Variants in ATP13A4 observed in about 807,000 individuals in gnomAD.
The protein encoded by ATP13A4 is ATPase 13A4, also known as probable cation-transporting ATPase 13A4.
In ATP13A4, 114 loss-of-function variants were observed where a neutral mutation model predicts 142.5. The observed-to-expected ratio is 0.80, with a 90% CI of 0.69 to 0.93. The LOEUF is 0.93. Among genes scored for constraint, ATP13A4 ranks in the 40% least tolerant of loss-of-function variants. The pLI, the probability that ATP13A4 is intolerant of heterozygous loss-of-function variation, is 0.00. For synonymous variants in ATP13A4, 488 were observed against 514.8 expected, an observed-to-expected ratio of 0.95 and a Z score of 0.70; for missense variants, 1,392 against 1,454.0, an observed-to-expected ratio of 0.96 and a Z score of 0.69.
chr3:193,418,440 A>G (rs1715228517), intron 25 of ATP13A4, among the ~76,000 whole-genome samples: 1 of 149,918 alleles, frequency 6.7e-6, no homozygotes, highest in South Asian at 2.1e-4. Context: ...AAAATAACTA[A>G]ACGAGAGTGT....
intron 11 of ATP13A4, among the ~76,000 whole-genome samples, 178 bp downstream of exon 11, chr3:193,465,847 A>T (rs1346255799): frequency 2.0e-5 from 3 of 152,226 alleles, no homozygotes; most frequent in Non-Finnish European, 4.4e-5. Flanking sequence ...CCTGTTTGTT[A>T]TTATGGAACT....
At chr3:193,455,192 T>A (rs1717524752) in intron 16 of ATP13A4, among the ~76,000 whole-genome samples, 1 of 151,262 alleles carries the variant, frequency 6.6e-6, no homozygotes, top group African/African-American at 2.4e-5. Flanking sequence ...CAAAAAAAAA[T>A]TAGCCGGGCG....
At chr3:193,475,185 A>C (rs969300129) in intron 8 of ATP13A4, among the ~76,000 whole-genome samples, 2 of 152,110 alleles carry the variant, frequency 1.3e-5, no homozygotes, top group Admixed American at 1.3e-4. Flanking sequence ...AAAATATGAA[A>C]AGACATATGT....
intron 1 of ATP13A4, among the ~76,000 whole-genome samples, chr3:193,523,943 A>G (rs996378379): frequency 1.3e-5 from 2 of 152,058 alleles, no homozygotes; most frequent in Middle Eastern, 6.3e-3. Flanking sequence ...TAGCTTCCTC[A>G]GTTTCTCTTT....
At chr3:193,537,867 T>C (rs933906692) in intron 1 of ATP13A4, among the ~76,000 whole-genome samples, 2 of 152,174 alleles carry the variant, frequency 1.3e-5, no homozygotes, top group African/African-American at 4.8e-5. Flanking sequence ...ACGTCCTATA[T>C]AATTACATTC....
At chr3:193,591,201 A>T (rs1183427155) in intron 1 of ATP13A4, among the ~76,000 whole-genome samples, 2 of 152,068 alleles carry the variant, frequency 1.3e-5, no homozygotes, top group Admixed American at 1.3e-4. Flanking sequence ...TAGCTGGCTA[A>T]TTTTTTTATT....
At chr3:193,478,987 A>G (rs1211160700) in intron 8 of ATP13A4, among the ~76,000 whole-genome samples, 1 of 152,190 alleles carries the variant, frequency 6.6e-6, no homozygotes, top group African/African-American at 2.4e-5. Context: ...TAAATGTGAT[A>G]CACCACATAA....
At position 193,412,326 on chromosome 3, in the gene ATP13A4, A is replaced by C. The variant is rs1485047620; in HGVS notation, c.3060T>G (p.Ser1020=). The C allele has an allele frequency of 6.2e-7, 1 of 1,614,126 alleles. No individual in the cohort carries two copies. Among genetic ancestry groups the C allele is most frequent in the Admixed American group, 1.7e-5 (1 of 60,014 alleles). ...QNESISELTM[S]PTAPEKMESN... is the part of the protein sequence containing the mutation. ...TTTCCATTTTTTCTGGAGCAGTTGGAGACATGGTTAACTCTGAGATGCTTT... is the reference window on the plus strand; with the variant it reads ...TTTCCATTTTTTCTGGAGCAGTTGGCGACATGGTTAACTCTGAGATGCTTT... The change falls in exon 27 of 30, where the codon TCT becomes TCG. Residue 1020 remains serine (S), a synonymous_variant. Transcript: ENST00000342695.
chr3:193,517,628 C>G (rs988572022), intron 1 of ATP13A4, among the ~76,000 whole-genome samples: 1 of 152,100 alleles, frequency 6.6e-6, no homozygotes, highest in African/African-American at 2.4e-5. Context: ...CTACAGGCGC[C>G]CGCCACCACG....
chr3:193,428,266 G>A (rs543319920), intron 25 of ATP13A4, among the ~76,000 whole-genome samples: 2 of 151,010 alleles, frequency 1.3e-5, no homozygotes, highest in South Asian at 4.1e-4. Context: ...AGTTACAATG[G>A]TGATAATTAG....
In ATP13A4 at chr3:193,449,734, A is replaced by G. The variant is rs143649059; in HGVS notation, c.2028-1404T>C. ...AGACATTTGTCCTTACTTCATAGAA[A>G]AGGTTGTAATTTCCCCATGATCTGC... On this transcript the variant is annotated intron_variant, in intron 17 of 29. Coordinates refer to ENST00000342695, the MANE Select transcript of ATP13A4 (RefSeq NM_032279.4). Among the ~76,000 whole-genome samples the G allele has an allele frequency of 1.4e-3, 219 of 152,254 alleles. 4 individuals are homozygous for G. In the East Asian group the frequency reaches 0.038, roughly 27 times the overall value.
chr3:193,417,410 T>C (rs768362195), intron 25 of ATP13A4, among the ~76,000 whole-genome samples: 17 of 152,220 alleles, frequency 1.1e-4, no homozygotes, highest in Non-Finnish European at 2.4e-4. Flanking sequence ...AAAGATGTAA[T>C]TTGTAACATC....
At chr3:193,531,296 G>GAGGAAGGAAGGAAGGA (rs772860170) in intron 1 of ATP13A4, among the ~76,000 whole-genome samples, 12 of 73,920 alleles carry the variant, frequency 1.6e-4, no homozygotes, top group Non-Finnish European at 1.8e-4. Flanking sequence ...GGGAGGGAGG[G>GAGGAAGGAAGGAAGGA]AGGAAGGAAG....
chr3:193,454,357 A>C, intron 16 of ATP13A4, 145 bp from the exon 17 acceptor site: 1 of 698,150 alleles, frequency 1.4e-6, no homozygotes, highest in Non-Finnish European at 2.6e-6. Context: ...AATTCTAAAC[A>C]TAACTACATT....
intron 4 of ATP13A4, 29 bp from the exon 5 acceptor site, chr3:193,493,026 T>C: frequency 1.2e-6 from 2 of 1,602,404 alleles, no homozygotes; most frequent in Non-Finnish European, 1.7e-6. Context: ...AAAGAACATA[T>C]TTAGCAATAA....
At chr3:193,501,031 A>G (rs1191045067) in intron 3 of ATP13A4, among the ~76,000 whole-genome samples, 1 of 152,230 alleles carries the variant, frequency 6.6e-6, no homozygotes, top group African/African-American at 2.4e-5. Context: ...GTAAATGAAG[A>G]TAGTACACCT....
chr3:193,412,793 A>AGGTG (rs10687464), intron 26 of ATP13A4, among the ~76,000 whole-genome samples: 48,678 of 151,806 alleles, frequency 0.32, 8,127 homozygotes, highest in East Asian at 0.5. Flanking sequence ...TAGGAGGCCG[A>AGGTG]GGTGGTTCAC....
At chr3:193,499,616 T>C (rs1298368467) in intron 3 of ATP13A4, among the ~76,000 whole-genome samples, 1 of 152,220 alleles carries the variant, frequency 6.6e-6, no homozygotes, top group East Asian at 1.9e-4. Flanking sequence ...AAGGATATCA[T>C]ATTCAAGCTA....
At chr3:193,543,334 C>T (rs996405526) in intron 1 of ATP13A4, among the ~76,000 whole-genome samples, 7 of 152,086 alleles carry the variant, frequency 4.6e-5, no homozygotes, top group Admixed American at 2.0e-4. Context: ...AAACCATCAT[C>T]GGAGTGAACA....
Sources: allele counts gnomAD v4.1 joint callset (sites outside exome capture counted in the v4.1 genomes callset), GRCh38; gene constraint gnomAD v4.1.1; transcripts MANE v1.5; gene names NCBI Gene and HGNC (gene_info 2026-07-23, HGNC 2026-07-21).